NXPH1: variants seen among roughly 807,000 people sequenced by gnomAD.
The protein encoded by NXPH1 is neurexophilin 1, also known as neurexophilin-1.
Under a neutral mutation model 23.7 loss-of-function variants are expected in NXPH1, and 5 were observed. The observed-to-expected ratio is 0.21, with a 90% confidence interval of 0.11 to 0.44. The LOEUF (loss-of-function observed/expected upper bound fraction) is 0.44, where lower values mean the gene tolerates loss of function less well. Among genes scored for constraint, NXPH1 ranks in the 20% least tolerant of loss-of-function variants. NXPH1 has a pLI of 0.99. For missense variants in NXPH1, 324 were observed against 321.6 expected (o/e 1.01, Z -0.06); for synonymous variants, 144 against 122.2 (o/e 1.18, Z -1.18).
chr7:8,512,145 C>T (rs1284984806), intron 2 of NXPH1, among the ~76,000 whole-genome samples: 1 of 152,108 alleles, frequency 6.6e-6, no homozygotes, highest in Non-Finnish European at 1.5e-5. Context: ...GCTGTGGCTC[C>T]TCTCCAAATA....
chr7:8,745,719 A>ATTTTTTT (rs56019801), intron 2 of NXPH1, among the ~76,000 whole-genome samples: 22 of 111,822 alleles, frequency 2.0e-4, no homozygotes, highest in South Asian at 3.0e-4. Context: ...CGCCCAGCTA[A>ATTTTTTT]TTTTTTTTTT....
At chr7:8,571,300 A>C (rs1241266825) in intron 2 of NXPH1, among the ~76,000 whole-genome samples, 1 of 151,874 alleles carries the variant, frequency 6.6e-6, no homozygotes, top group African/African-American at 2.4e-5. Context: ...GGAACTGAAA[A>C]GATTTGACTG....
chr7:8,718,289 C>T (rs141703067), intron 2 of NXPH1, among the ~76,000 whole-genome samples: 57 of 152,244 alleles, frequency 3.7e-4, no homozygotes, highest in African/African-American at 1.3e-3. Context: ...TTCCTTTCTG[C>T]ACTCTACTGA....
At chr7:8,575,086 A>G (rs1818726833) in intron 2 of NXPH1, among the ~76,000 whole-genome samples, 1 of 152,198 alleles carries the variant, frequency 6.6e-6, no homozygotes, top group African/African-American at 2.4e-5. Flanking sequence ...TTAATGCTGT[A>G]TCCTTTAAGT....
At chr7:8,461,202 A>G (rs536364294) in intron 2 of NXPH1, among the ~76,000 whole-genome samples, 3 of 152,196 alleles carry the variant, frequency 2.0e-5, no homozygotes, top group Admixed American at 1.3e-4. Context: ...CTAATTGTTC[A>G]GTTTTCAATT....
chr7:8,529,771 A>G (rs1817922458), intron 2 of NXPH1, among the ~76,000 whole-genome samples: 1 of 152,050 alleles, frequency 6.6e-6, no homozygotes, highest in Admixed American at 6.5e-5. Context: ...ACATTTTGTA[A>G]TTTTTATTAT....
In NXPH1 at chr7:8,435,483, TACC is replaced by T. The variant is rs1200879571; in HGVS notation, c.-110-120_-110-118del. On this transcript the variant is annotated intron_variant, in intron 1 of 2. Transcript: ENST00000405863. This position sits in a 1 kb window ranked among gnomAD's most constrained non-coding sequence, Gnocchi z 5.9. Reference sequence around the variant, plus strand: ...GATTTACTCGCTTTTCAATTTTTCGTACCCTCCCTCCCTTTTTTTTTTGGTCCC... The same window carrying T: ...GATTTACTCGCTTTTCAATTTTTCGTCTCCCTCCCTTTTTTTTTTGGTCCC... 1 of 569,730 alleles carries T rather than the reference TACC, an allele frequency of 1.8e-6. No individual in the cohort carries two copies. The highest frequency in any genetic ancestry group is 1.9e-5 in the African/African-American group (1 of 52,180). The allele number at this position is 569,730 out of a possible 1,614,324, so 35.3% of individuals were successfully genotyped here.
At chr7:8,445,950 A>G (rs965189524) in intron 2 of NXPH1, among the ~76,000 whole-genome samples, 4 of 152,088 alleles carry the variant, frequency 2.6e-5, no homozygotes, top group African/African-American at 4.8e-5. Context: ...GCGCACTCCA[A>G]CCTCTTCAAC....
chr7:8,702,530 A>G lies in NXPH1; in HGVS notation c.55-48478A>G, dbSNP rs181497754. ...TACTGAACTATTATATATGTGCCTTACATAGACTGGTTGGATGGGAAAGAA... is the reference window on the plus strand; with the variant it reads ...TACTGAACTATTATATATGTGCCTTGCATAGACTGGTTGGATGGGAAAGAA... On this transcript the variant is annotated intron_variant, in intron 2 of 2. Coordinates refer to ENST00000405863, the MANE Select transcript of NXPH1 (RefSeq NM_152745.3). Among the ~76,000 whole-genome samples the G allele has an allele frequency of 4.6e-5, 7 of 152,204 alleles. No individual in the cohort carries two copies. In the East Asian group the frequency reaches 1.4e-3, roughly 29 times the overall value.
intron 2 of NXPH1, among the ~76,000 whole-genome samples, chr7:8,747,588 T>G (rs1489046992): frequency 2.0e-5 from 3 of 152,212 alleles, no homozygotes; most frequent in African/African-American, 4.8e-5. Flanking sequence ...CTGTATTTAT[T>G]CTTTTTGCCA....
At chr7:8,519,563 G>A (rs971602609) in intron 2 of NXPH1, among the ~76,000 whole-genome samples, 2 of 152,174 alleles carry the variant, frequency 1.3e-5, no homozygotes, top group Non-Finnish European at 2.9e-5. Flanking sequence ...TATGGAATAA[G>A]CATTTTCATT....
intron 2 of NXPH1, among the ~76,000 whole-genome samples, chr7:8,732,124 C>T (rs1780167486): frequency 6.6e-6 from 1 of 152,236 alleles, no homozygotes; most frequent in South Asian, 2.1e-4. Context: ...TCTGTCACCC[C>T]TTTCTTTGAC....
At chr7:8,543,821 T>C (rs1229546550) in intron 2 of NXPH1, among the ~76,000 whole-genome samples, 1 of 151,702 alleles carries the variant, frequency 6.6e-6, no homozygotes, top group Non-Finnish European at 1.5e-5. Context: ...GCTTTTTAAA[T>C]AAATGATTGC....
intron 2 of NXPH1, among the ~76,000 whole-genome samples, chr7:8,561,398 T>C (rs938218287): frequency 4.4e-5 from 5 of 112,646 alleles, no homozygotes; most frequent in African/African-American, 1.6e-4. Context: ...CTCTCTCTTT[T>C]TCTCTTTCTT....
In NXPH1 at chr7:8,752,240, T is replaced by G. The variant is rs1167019795; in HGVS notation, c.*471T>G. 3.1e-5 allele frequency: 5 copies of G among 160,182 alleles called. No individual in the cohort carries two copies. Among genetic ancestry groups the G allele is most frequent in the African/African-American group, 9.6e-5 (4 of 41,528 alleles). The allele number at this position is 160,182 out of a possible 1,614,324, so 9.9% of individuals were successfully genotyped here. ...ATCTCCACTCATGCATTCCTACTGC[T>G]TGGAGTAGCTGTACTGGTAAATACT... On this transcript the variant is annotated 3_prime_UTR_variant, in exon 3 of 3. Transcript: ENST00000405863.
At position 8,751,870 on chromosome 7, in the gene NXPH1, C is replaced by A; in HGVS notation, c.*101C>A. 1 of 1,124,364 alleles carries A rather than the reference C, an allele frequency of 8.9e-7. No homozygotes were observed. Among genetic ancestry groups the A allele is most frequent in the Non-Finnish European group, 1.2e-6 (1 of 811,968 alleles). 69.6% of individuals were successfully genotyped at this position (1,124,364 alleles called of 1,614,324 possible). On this transcript the variant is annotated 3_prime_UTR_variant, in exon 3 of 3. Coordinates refer to ENST00000405863, the MANE Select transcript of NXPH1 (RefSeq NM_152745.3). This position sits in a 1 kb window ranked among gnomAD's most constrained non-coding sequence, Gnocchi z 4.5. ...GTCACATCTGTTGCCTGGAATGTGT[C>A]TACACTGCTGCTCTTGTCAACTGGC...
At chr7:8,489,057 G>A (rs571153636) in intron 2 of NXPH1, among the ~76,000 whole-genome samples, 153 of 152,194 alleles carry the variant, frequency 1.0e-3, no homozygotes, top group African/African-American at 3.5e-3. Context: ...AAATCATCAC[G>A]TATGGGGCTC....
chr7:8,484,346 C>T (rs80197045), intron 2 of NXPH1, among the ~76,000 whole-genome samples: 3,021 of 151,936 alleles, frequency 0.02, 111 homozygotes, highest in African/African-American at 0.069. Context: ...ACTTGGTCCG[C>T]TTTATTCACC....
At chr7:8,656,623 A>C (rs1170444410) in intron 2 of NXPH1, among the ~76,000 whole-genome samples, 1 of 150,732 alleles carries the variant, frequency 6.6e-6, no homozygotes, top group Non-Finnish European at 1.5e-5. Flanking sequence ...TACATGTGTC[A>C]TGCTGGTGCG....
Sources: gnomAD v4.1 joint callset for allele counts (sites outside exome capture counted in the v4.1 genomes callset) on GRCh38, gnomAD v4.1.1 for gene constraint, Gnocchi (gnomAD v3.1) non-coding constraint, MANE v1.5 for transcripts, NCBI Gene and HGNC (gene_info 2026-07-23, HGNC 2026-07-21) for gene names.